CCDC148: variants seen among roughly 807,000 people sequenced by gnomAD.
CCDC148 encodes the protein coiled-coil domain containing 148, also known as coiled-coil domain-containing protein 148.
In CCDC148, 89 loss-of-function variants were observed where a neutral mutation model predicts 85.7. The ratio of observed to expected loss-of-function variants is 1.04; its 90% CI spans 0.87 to 1.24. CCDC148 has a LOEUF of 1.24. CCDC148 is among the 50% of genes most tolerant of loss of function. The pLI is 0.00. For synonymous variants in CCDC148, 230 were observed against 213.9 expected, an observed-to-expected ratio of 1.08 and a Z score of -0.66; for missense variants, 692 against 671.7, an observed-to-expected ratio of 1.03 and a Z score of -0.33.
chr2:158,230,477 G>C (rs1025124310), intron 10 of CCDC148, among the ~76,000 whole-genome samples: 2 of 152,182 alleles, frequency 1.3e-5, no homozygotes, highest in Non-Finnish European at 2.9e-5. Context: ...GGATGGGGAA[G>C]ACCTCGCATA....
At chr2:158,279,697 A>G (rs1027757440) in intron 9 of CCDC148, among the ~76,000 whole-genome samples, 1 of 152,208 alleles carries the variant, frequency 6.6e-6, no homozygotes, top group Non-Finnish European at 1.5e-5. Context: ...GTTGAAAAAC[A>G]CTCTGCAGGA....
At chr2:158,221,203 T>C (rs1201459333) in intron 10 of CCDC148, among the ~76,000 whole-genome samples, 1 of 152,098 alleles carries the variant, frequency 6.6e-6, no homozygotes, top group Non-Finnish European at 1.5e-5. Context: ...TGGCAGGAGA[T>C]AGGTGGGAGG....
At chr2:158,364,383 A>G (rs759193727) in intron 1 of CCDC148, among the ~76,000 whole-genome samples, 3 of 152,162 alleles carry the variant, frequency 2.0e-5, no homozygotes, top group African/African-American at 4.8e-5. Flanking sequence ...ACAAAGCTGG[A>G]GGCATCATGC....
rs567703935 is a variant in CCDC148 at position 158,274,841 on chromosome 2, A to G, written c.1111-23929T>C. ...GGTAGAGAAGTCAATGTGGGAGAAT[A>G]CTACTATAGTCCAAGTGAGTCTGAC... On this transcript the variant is annotated intron_variant, in intron 9 of 13. Coordinates refer to ENST00000283233, the MANE Select transcript of CCDC148 (RefSeq NM_138803.4). 2.0e-5 allele frequency among the ~76,000 whole-genome samples: 3 copies of G among 152,366 alleles called. No homozygotes were observed. In the South Asian group the frequency reaches 6.2e-4, roughly 32 times the overall value.
rs141271635 is a variant in CCDC148, at chr2:158,335,641, C to T, written c.764+3085G>A. ...TCAGATCTGGAGACTTATTCACTAC[C>T]ATGAGAACAGTATGGGGGATACTGC... On this transcript the variant is annotated intron_variant, in intron 7 of 13. Transcript: ENST00000283233. Among the ~76,000 whole-genome samples, 454 of 152,166 alleles carry T rather than the reference C, an allele frequency of 3.0e-3. 1 individual carries two copies. The highest frequency in any genetic ancestry group is 9.8e-3 in the African/African-American group (408 of 41,510).
At chr2:158,237,682 G>C (rs981407610) in intron 10 of CCDC148, among the ~76,000 whole-genome samples, 1 of 152,128 alleles carries the variant, frequency 6.6e-6, no homozygotes, top group African/African-American at 2.4e-5. Flanking sequence ...TGAGTTTGGA[G>C]TTCAAAAGAA....
chr2:158,272,572 C>T (rs1296454547), intron 9 of CCDC148, among the ~76,000 whole-genome samples: 1 of 152,090 alleles, frequency 6.6e-6, no homozygotes, highest in Non-Finnish European at 1.5e-5. Flanking sequence ...CAGACTCAGA[C>T]CTTTTGATGA....
At chr2:158,435,569 C>T (rs1225787664) in intron 1 of CCDC148, among the ~76,000 whole-genome samples, 3 of 152,112 alleles carry the variant, frequency 2.0e-5, no homozygotes, top group African/African-American at 7.2e-5. Context: ...ACTGTATAAA[C>T]TAACAAGCAA....
intron 10 of CCDC148, among the ~76,000 whole-genome samples, chr2:158,229,773 G>C (rs745592726): frequency 7.2e-5 from 11 of 152,066 alleles, no homozygotes; most frequent in Non-Finnish European, 1.5e-4. Flanking sequence ...TGTACCTTCA[G>C]CTTCTTGCTC....
chr2:158,227,729 C>T (rs186164483), intron 10 of CCDC148, among the ~76,000 whole-genome samples: 3 of 151,998 alleles, frequency 2.0e-5, no homozygotes, highest in Non-Finnish European at 2.9e-5. Flanking sequence ...TTTAATAAAT[C>T]GTGCTGGGAA....
chr2:158,300,131 G>C (rs1001556007), intron 9 of CCDC148, among the ~76,000 whole-genome samples: 7 of 152,174 alleles, frequency 4.6e-5, no homozygotes, highest in African/African-American at 1.4e-4. Context: ...ATTCAGTCTT[G>C]TACTTCACTT....
chr2:158,313,486 C>A (rs1191127770), intron 8 of CCDC148, among the ~76,000 whole-genome samples: 1 of 152,218 alleles, frequency 6.6e-6, no homozygotes, highest in Non-Finnish European at 1.5e-5. Flanking sequence ...ACTAGCAGAG[C>A]AGCCCTGGGA....
At chr2:158,399,747 T>A (rs183806139) in intron 1 of CCDC148, among the ~76,000 whole-genome samples, 1 of 152,040 alleles carries the variant, frequency 6.6e-6, no homozygotes, top group Non-Finnish European at 1.5e-5. Context: ...CCACTCCTAT[T>A]CAACATAGTA....
At chr2:158,305,404 G>A (rs1002834400) in intron 9 of CCDC148, among the ~76,000 whole-genome samples, 15 of 152,078 alleles carry the variant, frequency 9.9e-5, no homozygotes, top group African/African-American at 2.9e-4. Flanking sequence ...TGCCCCTTCC[G>A]CTACCAGGCT....
chr2:158,438,330 A>G (rs1264776986), intron 1 of CCDC148, among the ~76,000 whole-genome samples: 1 of 152,202 alleles, frequency 6.6e-6, no homozygotes, highest in Non-Finnish European at 1.5e-5. Context: ...GCATATCTAC[A>G]ACCATCTGAT....
At chr2:158,214,120 GTA>G (rs1686721960) in intron 11 of CCDC148, among the ~76,000 whole-genome samples, 1 of 63,870 alleles carries the variant, frequency 1.6e-5, no homozygotes, top group Non-Finnish European at 3.4e-5. Flanking sequence ...AAACATTGTG[GTA>G]AAAAAAAAAA....
At chr2:158,345,872 G>A (rs1315041038) in intron 2 of CCDC148, among the ~76,000 whole-genome samples, 3 of 152,072 alleles carry the variant, frequency 2.0e-5, no homozygotes, top group Admixed American at 1.3e-4. Flanking sequence ...AGAAGGCCTG[G>A]CTTCAACACT....
intron 11 of CCDC148, among the ~76,000 whole-genome samples, chr2:158,215,500 A>C (rs1686801270): frequency 6.6e-6 from 1 of 151,618 alleles, no homozygotes; most frequent in African/African-American, 2.4e-5. Flanking sequence ...AGTAGGAGCA[A>C]TATGCACATG....
chr2:158,175,267 T>C (rs567355283), intron 13 of CCDC148, among the ~76,000 whole-genome samples: 1 of 152,180 alleles, frequency 6.6e-6, no homozygotes, highest in South Asian at 2.1e-4. Flanking sequence ...CTTCAGCAGC[T>C]AGGATCTAGA....
Sources: allele counts gnomAD v4.1 joint callset (sites outside exome capture counted in the v4.1 genomes callset), GRCh38; gene constraint gnomAD v4.1.1; transcripts MANE v1.5; gene names NCBI Gene and HGNC (gene_info 2026-07-23, HGNC 2026-07-21).